The following DIAPH1 variants were observed in gnomAD, a reference collection of about 807,000 sequenced individuals.
DIAPH1 encodes the protein protein diaphanous homolog 1.
A neutral mutation model predicts 140.7 loss-of-function variants in DIAPH1; 46 were observed. The ratio of observed to expected loss-of-function variants is 0.33; its 90% CI spans 0.26 to 0.42. The LOEUF is 0.42. DIAPH1 is among the 10% of genes least tolerant of loss of function. The pLI is 1.00. For missense variants in DIAPH1, 1,310 were observed against 1,558.7 expected (o/e 0.84, Z 2.69); for synonymous variants, 565 against 551.6 (o/e 1.02, Z -0.34).
intron 18 of DIAPH1, among the ~76,000 whole-genome samples, chr5:141,537,537 A>T (rs1025089575): frequency 7.3e-5 from 11 of 151,136 alleles, no homozygotes; most frequent in African/African-American, 2.7e-4. Context: ...TTTGTGGAAG[A>T]TATGACTATA....
intron 1 of DIAPH1, among the ~76,000 whole-genome samples, chr5:141,611,308 A>T (rs905958702): frequency 5.9e-5 from 9 of 152,194 alleles, no homozygotes; most frequent in African/African-American, 2.2e-4. Context: ...TTTAGCAAAG[A>T]TTTTTGAAAT....
rs761524821 is a variant in DIAPH1, at chr5:141,578,617, G to A, written c.942C>T (p.Cys314=). The A allele has an allele frequency of 1.7e-5, 28 of 1,612,632 alleles. No individual in the cohort carries two copies. In the East Asian group the frequency reaches 6.2e-4, roughly 36 times the overall value. The change falls in exon 10 of 28, where the codon TGC becomes TGT. Residue 314 remains cysteine, a synonymous_variant. Transcript: ENST00000389054. The part of the protein sequence containing the change: ...SGTTIALKVG[C]LQLINALITP... ...TGATGAGAGCATTGATCAGCTGTAG[G>A]CATCCAACCTAAAATAAGAAAATTC...
At chr5:141,615,668 G>A (rs2099902569) in intron 1 of DIAPH1, among the ~76,000 whole-genome samples, 1 of 152,028 alleles carries the variant, frequency 6.6e-6, no homozygotes, top group African/African-American at 2.4e-5. Flanking sequence ...GCATGAACCC[G>A]GGAGGCGGAG....
In DIAPH1 at chr5:141,529,591, C is replaced by T; in HGVS notation, c.2676+12G>A. The T allele has an allele frequency of 6.2e-7, 1 of 1,609,432 alleles. No homozygotes were observed. The highest frequency in any genetic ancestry group is 8.5e-7 in the Non-Finnish European group (1 of 1,175,674). ...GAAGAGCCTGCTCCAGCAGAACCACCTTACTCCTTACCTGGATCATAGACT... is the reference window on the plus strand; with the variant it reads ...GAAGAGCCTGCTCCAGCAGAACCACTTTACTCCTTACCTGGATCATAGACT... On this transcript the variant is annotated intron_variant, in intron 20 of 27. Coordinates refer to ENST00000389054, the MANE Select transcript of DIAPH1 (RefSeq NM_005219.5).
chr5:141,598,054 T>C (rs1436542778), intron 1 of DIAPH1, among the ~76,000 whole-genome samples: 1 of 152,206 alleles, frequency 6.6e-6, no homozygotes, highest in African/African-American at 2.4e-5. Flanking sequence ...CCTGGCCAAG[T>C]GATGTCCTTA....
chr5:141,591,830 T>C (rs1394570151), intron 1 of DIAPH1, among the ~76,000 whole-genome samples: 1 of 149,480 alleles, frequency 6.7e-6, no homozygotes, highest in Non-Finnish European at 1.5e-5. Context: ...ACGCCTGTAA[T>C]CCCAGCACTT....
At position 141,528,878 on chromosome 5, in the gene DIAPH1, C is replaced by A; in HGVS notation, c.2842G>T (p.Glu948Ter). ...TCTGGCTTGATATTCTCCACTTGCT[C>A]GCTGAATTGTAGCTTGAAGAGAATG... ...NAILFKLQFS[E>*]QVENIKPEIV... Residue 948 changes from glutamate to a stop codon, truncating the protein, a stop_gained, in exon 22 of 28, where the codon GAG becomes TAG. Transcript: ENST00000389054. LOFTEE classifies it high-confidence loss of function. 1 of 1,614,174 alleles carries A rather than the reference C, an allele frequency of 6.2e-7. No individual in the cohort carries two copies. The highest frequency in any genetic ancestry group is 1.1e-5 in the South Asian group (1 of 91,060).
At chr5:141,579,888 C>A (rs1184880413) in intron 8 of DIAPH1, among the ~76,000 whole-genome samples, 1 of 150,018 alleles carries the variant, frequency 6.7e-6, no homozygotes, top group Non-Finnish European at 1.5e-5. Flanking sequence ...GAGGAGTTTG[C>A]AGTGGGCCGA....
In DIAPH1 at chr5:141,578,572, G is replaced by A. The variant is rs1310432041; in HGVS notation, c.987C>T (p.Asp329=). 6.2e-7 allele frequency: 1 copy of A among 1,613,926 alleles called. No homozygotes were observed. Among genetic ancestry groups the A allele is most frequent in the Admixed American group, 1.7e-5 (1 of 60,026 alleles). Residue 329 remains aspartate (D), a synonymous_variant, in exon 10 of 28, where the codon GAC becomes GAT. Transcript: ENST00000389054. The part of the protein sequence containing the change: ...NALITPAEEL[D]FRVHIRSELM... ...GTTCACTTCTGATGTGAACTCGGAA[G>A]TCAAGTTCCTCCGCTGGTGTGATGA...
intron 18 of DIAPH1, chr5:141,564,842 TAG>T (rs2099894137): frequency 6.6e-6 from 1 of 152,204 alleles, no homozygotes; most frequent in South Asian, 2.1e-4. Context: ...ACTTTACAGA[TAG>T]AGTCAAGGTA....
chr5:141,613,329 T>C (rs1450457642), intron 1 of DIAPH1, among the ~76,000 whole-genome samples: 1 of 152,206 alleles, frequency 6.6e-6, no homozygotes, highest in Non-Finnish European at 1.5e-5. Flanking sequence ...ATTTCTTCAA[T>C]CTTTTTCCTT....
intron 18 of DIAPH1, among the ~76,000 whole-genome samples, chr5:141,547,882 C>T (rs1177582799): frequency 6.6e-6 from 1 of 152,002 alleles, no homozygotes; most frequent in Non-Finnish European, 1.5e-5. Flanking sequence ...AGTAAAACTG[C>T]TAAAAATCAG....
At position 141,580,881 on chromosome 5, in the gene DIAPH1, A is replaced by G. The variant is rs201149420; in HGVS notation, c.687T>C (p.Phe229=). 781 of 1,614,194 alleles carry G rather than the reference A, an allele frequency of 4.8e-4. 1 individual carries two copies. The highest frequency in any genetic ancestry group is 6.0e-4 in the Non-Finnish European group (703 of 1,180,034). The change falls in exon 8 of 28, where the codon TTT becomes TTC. Residue 229 remains phenylalanine (F), a splice_region_variant and synonymous_variant. Transcript: ENST00000389054. ...CTGTCTCCAACATGGTCTTGATTCC[A>G]AACTGGTAGGACCAAGAACAAAGAA... ...RCLKAFMNNK[F]GIKTMLETEE...
chr5:141,573,633 A>C lies in DIAPH1; in HGVS notation c.2217T>G (p.Pro739=), dbSNP rs2099895526. 1.2e-6 allele frequency: 2 copies of C among 1,613,230 alleles called. No homozygotes were observed. Among genetic ancestry groups the C allele is most frequent in the African/African-American group, 2.7e-5 (2 of 74,780 alleles). ...PPPFPGGPGI[P]PPPPGMGMPP... is the part of the protein sequence containing the mutation. ...GCATACCCATTCCGGGTGGAGGTGG[A>C]GGAATGCCAGGGCCTCCGGGAAATG... Residue 739 remains proline (P), a synonymous_variant, in exon 16 of 28, where the codon CCT becomes CCG. Coordinates refer to ENST00000389054, the MANE Select transcript of DIAPH1 (RefSeq NM_005219.5).
chr5:141,594,822 C>T (rs2099899051), intron 1 of DIAPH1, among the ~76,000 whole-genome samples: 1 of 151,354 alleles, frequency 6.6e-6, no homozygotes, highest in African/African-American at 2.4e-5. Flanking sequence ...AGGTGGATTC[C>T]CTGAGGTCAG....
chr5:141,547,441 G>C (rs1050538836), intron 18 of DIAPH1, among the ~76,000 whole-genome samples: 1 of 150,696 alleles, frequency 6.6e-6, no homozygotes. Flanking sequence ...CTCCAGCCTG[G>C]GCGACAGAGA....
At chr5:141,544,282 C>A (rs2099890446) in intron 18 of DIAPH1, among the ~76,000 whole-genome samples, 1 of 151,732 alleles carries the variant, frequency 6.6e-6, no homozygotes, top group Non-Finnish European at 1.5e-5. Flanking sequence ...TGCACTCCAG[C>A]CTGGGCGACA....
intron 18 of DIAPH1, among the ~76,000 whole-genome samples, chr5:141,547,091 A>C (rs1301832721): frequency 6.6e-6 from 1 of 152,198 alleles, no homozygotes; most frequent in South Asian, 2.1e-4. Context: ...CTTTAAAATC[A>C]CTCTGGTTAA....
rs1193563736 is a variant in DIAPH1 at position 141,584,322 on chromosome 5, A to ATG, written c.301-99_301-98dup. 4 of 718,916 alleles carry ATG rather than the reference A, an allele frequency of 5.6e-6. No individual in the cohort carries two copies. In the African/African-American group the frequency reaches 7.1e-5, roughly 13 times the overall value. The allele number at this position is 718,916 out of a possible 1,614,324, so 44.5% of individuals were successfully genotyped here. On this transcript the variant is annotated intron_variant, in intron 3 of 27. Transcript: ENST00000389054. ...TAGTATGCTTAGTGAAGAGTTGAGC[A>ATG]TGTAAAATGCTTAAGTAAATAAATC...
Sources: gnomAD v4.1 joint callset for allele counts (sites outside exome capture counted in the v4.1 genomes callset) on GRCh38, gnomAD v4.1.1 for gene constraint, MANE v1.5 for transcripts, NCBI Gene and HGNC (gene_info 2026-07-23, HGNC 2026-07-21) for gene names.